Variants in SATB1 observed in about 807,000 individuals in gnomAD.
SATB1 encodes the protein DNA-binding protein SATB1.
SATB1 carries 11 observed loss-of-function variants against 86.9 expected under a neutral mutation model. The ratio of observed to expected loss-of-function variants is 0.13; its 90% CI spans 0.08 to 0.21. SATB1 has a LOEUF of 0.21. SATB1 is among the 10% of genes least tolerant of loss of function. The probability of loss-of-function intolerance (pLI) is 1.00; values close to 1 mark genes in which losing one functional copy is unlikely to be tolerated. For missense variants in SATB1, 551 were observed against 937.6 expected (o/e 0.59, Z 5.39); for synonymous variants, 357 against 357.2 (o/e 1.00, Z 0.01).
intron 2 of SATB1, among the ~76,000 whole-genome samples, chr3:18,417,853 AC>A (rs1169658522): frequency 3.3e-5 from 5 of 152,162 alleles, no homozygotes; most frequent in South Asian, 2.1e-4. Flanking sequence ...AAACTGACAT[AC>A]TAGGATAAAG....
At chr3:18,445,357 G>T in intron 1 of SATB1, 1 of 984,990 alleles carries the variant, frequency 1.0e-6, no homozygotes, top group African/African-American at 1.7e-5. Flanking sequence ...GCCGGGGTGT[G>T]GGGGGCGGCG....
In SATB1 at chr3:18,425,149, T is replaced by TGCC. The variant is rs941915081; in HGVS notation, c.-1550_-1548dup. 2.1e-4 allele frequency: 37 copies of TGCC among 175,654 alleles called. No homozygotes were observed. Among genetic ancestry groups the TGCC allele is most frequent in the African/African-American group, 3.4e-4 (14 of 41,790 alleles). The allele number at this position is 175,654 out of a possible 1,614,324, so 10.9% of individuals were successfully genotyped here. On this transcript the variant is annotated 5_prime_UTR_variant, in exon 1 of 11. Coordinates refer to ENST00000338745, the MANE Select transcript of SATB1 (RefSeq NM_002971.6). Reference sequence around the variant, plus strand: ...TCTCCGCCGCTGCTCCTGCTGCTGCTGCCGCCGCCGCCGCCGCTGCCGCTG... The same window carrying TGCC: ...TCTCCGCCGCTGCTCCTGCTGCTGCTGCCGCCGCCGCCGCCGCCGCTGCCGCTG...
exon 1 of SATB1, chr3:18,445,543 ACTC>A (rs1699373562): frequency 1.0e-5 from 10 of 981,526 alleles, no homozygotes; most frequent in Non-Finnish European, 9.6e-6. Flanking sequence ...CAACACGCGC[ACTC>A]CTCCTCTTGT....
At chr3:18,415,875 C>CA in intron 4 of SATB1, 132 bp downstream of exon 4, 1 of 709,160 alleles carries the variant, frequency 1.4e-6, no homozygotes, top group Non-Finnish European at 2.1e-6. Context: ...GATAGGGTAA[C>CA]AAAATCGATC....
rs1457225602 is a variant in SATB1 at position 18,416,090 on chromosome 3, G to A, written c.432C>T (p.Tyr144=). 10 of 1,610,550 alleles carry A rather than the reference G, an allele frequency of 6.2e-6. No homozygotes were observed. The highest frequency in any genetic ancestry group is 4.5e-5 in the East Asian group (2 of 44,734). Residue 144 remains tyrosine (Y), a synonymous_variant, in exon 4 of 11, where the codon TAC becomes TAT. Transcript: ENST00000338745. ...VGKWNPVPLS[Y]VTDAPDATVA... is the part of the protein sequence containing the mutation. ...CTGTAGCATCAGGGGCATCTGTCAC[G>A]TAAGACAGTGGAACTGGATTCCACT...
rs576574361 is a variant in SATB1, at chr3:18,352,954, G to A, written c.1576-759C>T. The A allele has an allele frequency of 6.6e-6, 1 of 152,192 alleles. No homozygotes were observed. The highest frequency in any genetic ancestry group is 2.4e-5 in the African/African-American group (1 of 41,490). The allele number at this position is 152,192 out of a possible 1,614,324, so 9.4% of individuals were successfully genotyped here. On this transcript the variant is annotated intron_variant, in intron 9 of 10. Transcript: ENST00000338745. This position sits in a 1 kb window ranked among gnomAD's most constrained non-coding sequence, Gnocchi z 4.1. ...CAAGGCCCAGTTTTTTTACCCTGAG[G>A]TTATCTATCAAGAACTGAATGATCA...
At chr3:18,392,840 T>A (rs1696755590) in intron 7 of SATB1, among the ~76,000 whole-genome samples, 2 of 152,122 alleles carry the variant, frequency 1.3e-5, no homozygotes, top group South Asian at 4.1e-4. Flanking sequence ...AATATAGGTG[T>A]CATATTAAGT....
chr3:18,355,338 GACT>G (rs1277220542), intron 9 of SATB1, among the ~76,000 whole-genome samples: 1 of 151,938 alleles, frequency 6.6e-6, no homozygotes, highest in Non-Finnish European at 1.5e-5. Flanking sequence ...GGAATATTTT[GACT>G]ACCTCAAATT....
In SATB1 at chr3:18,432,939, C is replaced by G. The variant is rs140810416; in HGVS notation, c.-25+3850G>C. 3.0e-3 allele frequency among the ~76,000 whole-genome samples: 463 copies of G among 152,150 alleles called. 2 individuals are homozygous for G. The highest frequency in any genetic ancestry group is 4.9e-3 in the Non-Finnish European group (330 of 67,982). On this transcript the variant is annotated intron_variant, in intron 2 of 3. Transcript: ENST00000414509. ...ACATTGAACAATCCCATCCCCACCCCAATCTTACATTGCTTTGTCCTTACC... is the reference window on the plus strand; with the variant it reads ...ACATTGAACAATCCCATCCCCACCCGAATCTTACATTGCTTTGTCCTTACC...
intron 2 of SATB1, chr3:18,417,456 A>G: frequency 1.7e-6 from 1 of 586,964 alleles, no homozygotes. Flanking sequence ...AACATAACTC[A>G]CCATTTATCT....
chr3:18,427,829 TAAC>T (rs1339429620), upstream of SATB1, among the ~76,000 whole-genome samples: 2 of 152,142 alleles, frequency 1.3e-5, no homozygotes, highest in African/African-American at 4.8e-5. Flanking sequence ...TTATAATGAA[TAAC>T]AATATAGCAC....
At chr3:18,374,270 C>T (rs1695627376) in intron 9 of SATB1, among the ~76,000 whole-genome samples, 1 of 152,160 alleles carries the variant, frequency 6.6e-6, no homozygotes, top group Non-Finnish European at 1.5e-5. Context: ...GGAAAAAATT[C>T]CATTTCCATC....
chr3:18,387,118 G>A (rs951089723), intron 7 of SATB1, among the ~76,000 whole-genome samples: 1 of 152,192 alleles, frequency 6.6e-6, no homozygotes, highest in African/African-American at 2.4e-5. Flanking sequence ...GGTTTATGCT[G>A]TATTTTCACA....
At chr3:18,379,194 T>C (rs935328827) in intron 8 of SATB1, among the ~76,000 whole-genome samples, 2 of 152,142 alleles carry the variant, frequency 1.3e-5, no homozygotes, top group African/African-American at 4.8e-5. Flanking sequence ...GCCACAAAAT[T>C]TTAGGGGCTG....
At chr3:18,429,635 G>C (rs1698824087), upstream of SATB1, among the ~76,000 whole-genome samples, 1 of 152,172 alleles carries the variant, frequency 6.6e-6, no homozygotes, top group African/African-American at 2.4e-5. This position sits in a 1 kb window ranked among gnomAD's most constrained non-coding sequence, Gnocchi z 4.1. Flanking sequence ...GGGAAAGGAA[G>C]CTGCCTCATG....
At chr3:18,441,288 A>T (rs534587115), upstream of SATB1, among the ~76,000 whole-genome samples, 8 of 152,310 alleles carry the variant, frequency 5.3e-5, no homozygotes, top group East Asian at 1.5e-3. Context: ...ATGAGTACTG[A>T]GCAAAATATT....
chr3:18,373,865 C>T, intron 9 of SATB1, among the ~76,000 whole-genome samples: 1 of 152,166 alleles, frequency 6.6e-6, no homozygotes, highest in East Asian at 1.9e-4. Context: ...AAAAACATAC[C>T]TATTCATCAG....
Position 18,410,799 on chromosome 3 carries a change from CTG to C in SATB1, c.639+4310_639+4311del, listed in dbSNP as rs752907696. Reference sequence around the variant, plus strand: ...GAAACATGTCATTCCAGTCCAAAAACTGTGAAATAAAGTACAGTTTATTAAAA... The same window carrying C: ...GAAACATGTCATTCCAGTCCAAAAACTGAAATAAAGTACAGTTTATTAAAA... On this transcript the variant is annotated intron_variant, in intron 5 of 10. Transcript: ENST00000338745. 119 of 328,796 alleles carry C rather than the reference CTG, an allele frequency of 3.6e-4. 1 individual carries two copies. The highest frequency in any genetic ancestry group is 8.1e-4 in the Middle Eastern group (1 of 1,234). 20.4% of individuals were successfully genotyped at this position (328,796 alleles called of 1,614,324 possible).
chr3:18,431,805 T>C (rs1698898981), intron 2 of SATB1, among the ~76,000 whole-genome samples: 1 of 152,088 alleles, frequency 6.6e-6, no homozygotes, highest in Non-Finnish European at 1.5e-5. Context: ...AAAAAGGCAA[T>C]AAAAGTGGGG....
Sources: gnomAD v4.1 joint callset for allele counts (sites outside exome capture counted in the v4.1 genomes callset) on GRCh38, gnomAD v4.1.1 for gene constraint, Gnocchi (gnomAD v3.1) non-coding constraint, MANE v1.5 for transcripts, NCBI Gene and HGNC (gene_info 2026-07-23, HGNC 2026-07-21) for gene names.